TENM3: variants seen among roughly 807,000 people sequenced by gnomAD.
The protein encoded by TENM3 is teneurin-3.
In TENM3, 63 loss-of-function variants were observed where a neutral mutation model predicts 255.1. The ratio of observed to expected loss-of-function variants is 0.25; its 90% CI spans 0.20 to 0.30. TENM3 has a LOEUF of 0.30. Ranked by LOEUF, TENM3 falls within the 10% of genes least tolerant of loss-of-function variation. TENM3 has a pLI of 1.00. For missense variants in TENM3, 2,929 were observed against 3,461.1 expected (o/e 0.85, Z 3.86); for synonymous variants, 1,306 against 1,322.3 (o/e 0.99, Z 0.27).
chr4:182,024,370 A>C, the TENM3 span, among the ~76,000 whole-genome samples: 1 of 152,188 alleles, frequency 6.6e-6, no homozygotes, highest in Non-Finnish European at 1.5e-5. Context: ...GTGATATTAG[A>C]AAAGTGTCAA....
chr4:181,773,304 C>T, the TENM3 span, among the ~76,000 whole-genome samples: 14 of 152,136 alleles, frequency 9.2e-5, no homozygotes, highest in Admixed American at 2.6e-4. Flanking sequence ...TCTTGAGATA[C>T]GGTCAATAGC....
At chr4:181,821,825 C>G in the TENM3 span, among the ~76,000 whole-genome samples, 2 of 152,264 alleles carry the variant, frequency 1.3e-5, no homozygotes, top group South Asian at 4.1e-4. Context: ...CTCTGCCATG[C>G]AAATTCTTTG....
the TENM3 span, among the ~76,000 whole-genome samples, chr4:181,599,593 G>T: frequency 6.6e-6 from 1 of 152,136 alleles, no homozygotes; most frequent in Non-Finnish European, 1.5e-5. Flanking sequence ...GAATTTTGAT[G>T]CACTAAGTAA....
the TENM3 span, among the ~76,000 whole-genome samples, chr4:182,030,521 G>C: frequency 1.3e-5 from 2 of 151,986 alleles, no homozygotes; most frequent in Non-Finnish European, 2.9e-5. Context: ...TTTGCTATTG[G>C]GAAAAGTGCT....
intron 3 of TENM3, among the ~76,000 whole-genome samples, chr4:182,386,681 G>T (rs1767949934): frequency 6.6e-6 from 1 of 152,242 alleles, no homozygotes; most frequent in African/African-American, 2.4e-5. Context: ...GGCAGTGAGG[G>T]GCTTAGCACC....
chr4:181,488,300 T>C, the TENM3 span, among the ~76,000 whole-genome samples: 2 of 152,206 alleles, frequency 1.3e-5, no homozygotes, highest in African/African-American at 4.8e-5. Flanking sequence ...TTTTCATTGC[T>C]TCATCAGTAC....
the TENM3 span, among the ~76,000 whole-genome samples, chr4:181,592,477 G>GACT: frequency 6.6e-6 from 1 of 151,808 alleles, no homozygotes; most frequent in Non-Finnish European, 1.5e-5. Flanking sequence ...CGAAGCCCAT[G>GACT]ACTGAACAAC....
the TENM3 span, among the ~76,000 whole-genome samples, chr4:182,097,594 C>A: frequency 1.3e-5 from 2 of 152,150 alleles, no homozygotes; most frequent in African/African-American, 4.8e-5. Context: ...TATTAAGCAG[C>A]TAATACCATG....
At chr4:182,673,550 T>G (rs1001850902) in intron 7 of TENM3, among the ~76,000 whole-genome samples, 1 of 152,246 alleles carries the variant, frequency 6.6e-6, no homozygotes, top group African/African-American at 2.4e-5. Context: ...TCCGATGATC[T>G]TATTCCTTTC....
At chr4:181,783,066 G>A in the TENM3 span, among the ~76,000 whole-genome samples, 1 of 152,176 alleles carries the variant, frequency 6.6e-6, no homozygotes, top group Non-Finnish European at 1.5e-5. Context: ...TGGAATAAGT[G>A]CGATGTGGTG....
intron 3 of TENM3, among the ~76,000 whole-genome samples, chr4:182,430,473 G>A (rs185630935): frequency 7.3e-4 from 110 of 151,660 alleles, no homozygotes; most frequent in East Asian, 1.4e-3. Flanking sequence ...ACTTAAACCC[G>A]GGAAGGGGAG....
chr4:182,775,320 T>C (rs1264920596), intron 24 of TENM3, among the ~76,000 whole-genome samples, 167 bp downstream of exon 24: 2 of 152,012 alleles, frequency 1.3e-5, no homozygotes, highest in Non-Finnish European at 2.9e-5. Context: ...CAGGTGCAGC[T>C]GGGGAGGCTG....
intron 3 of TENM3, among the ~76,000 whole-genome samples, chr4:182,394,014 A>G (rs1442507916): frequency 6.6e-6 from 1 of 152,196 alleles, no homozygotes; most frequent in Non-Finnish European, 1.5e-5. Context: ...ATCCTAGGGA[A>G]GAAGAGTTTG....
the TENM3 span, among the ~76,000 whole-genome samples, chr4:181,658,619 C>T: frequency 6.6e-6 from 1 of 152,158 alleles, no homozygotes; most frequent in African/African-American, 2.4e-5. Flanking sequence ...GGTTTTGCTA[C>T]ATTGATTCTC....
At chr4:182,445,463 A>C (rs1436114880) in intron 3 of TENM3, among the ~76,000 whole-genome samples, 1 of 152,182 alleles carries the variant, frequency 6.6e-6, no homozygotes, top group Admixed American at 6.5e-5. Flanking sequence ...GTACTTAATA[A>C]TTAGCGGGAA....
At chr4:182,729,964 A>G (rs1485744987) in intron 14 of TENM3, among the ~76,000 whole-genome samples, 9 of 152,222 alleles carry the variant, frequency 5.9e-5, no homozygotes. Flanking sequence ...TAACGCTCCA[A>G]AAAACAGATT....
At chr4:182,364,231 A>G (rs1766240735) in intron 3 of TENM3, among the ~76,000 whole-genome samples, 1 of 152,002 alleles carries the variant, frequency 6.6e-6, no homozygotes, top group African/African-American at 2.4e-5. Context: ...TGAGTGTTTA[A>G]ATCAATGCCC....
the TENM3 span, among the ~76,000 whole-genome samples, chr4:181,990,580 C>T: frequency 7.1e-3 from 1,083 of 152,058 alleles, 13 homozygotes; most frequent in African/African-American, 0.024. Flanking sequence ...ATATGGAGCC[C>T]CTCTAAACCC....
At chr4:182,016,053 A>G in the TENM3 span, among the ~76,000 whole-genome samples, 1 of 152,128 alleles carries the variant, frequency 6.6e-6, no homozygotes, top group African/African-American at 2.4e-5. Context: ...CAGCCACTTA[A>G]AATGCCTGAG....
Sources: gnomAD v4.1 joint callset for allele counts (sites outside exome capture counted in the v4.1 genomes callset) on GRCh38, gnomAD v4.1.1 for gene constraint, MANE v1.5 for transcripts, NCBI Gene and HGNC (gene_info 2026-07-23, HGNC 2026-07-21) for gene names.